The following CLSTN3 variants were observed in gnomAD, a reference collection of about 807,000 sequenced individuals.
CLSTN3 encodes the protein calsyntenin-3.
A neutral mutation model predicts 95.9 loss-of-function variants in CLSTN3; 36 were observed. The observed-to-expected ratio is 0.38, with a 90% confidence interval of 0.29 to 0.50. The LOEUF (loss-of-function observed/expected upper bound fraction) is 0.50, where lower values mean the gene tolerates loss of function less well. Ranked by LOEUF, CLSTN3 falls within the 20% of genes least tolerant of loss-of-function variation. CLSTN3 has a pLI of 0.95. For missense variants in CLSTN3, 1,084 were observed against 1,268.8 expected (o/e 0.85, Z 2.21); for synonymous variants, 481 against 504.0 (o/e 0.95, Z 0.61).
chr12:7,137,140 G>C lies in CLSTN3; in HGVS notation c.1210+30G>C. 6.4e-7 allele frequency: 1 copy of C among 1,570,456 alleles called. No homozygotes were observed. Among genetic ancestry groups the C allele is most frequent in the Non-Finnish European group, 8.6e-7 (1 of 1,157,808 alleles). ...GCCTCCCCTCCAGGCACTAGCCAGAGGGGGAAACTGGCTTCTTGTCCCGCC... is the reference window on the plus strand; with the variant it reads ...GCCTCCCCTCCAGGCACTAGCCAGACGGGGAAACTGGCTTCTTGTCCCGCC... On this transcript the variant is annotated intron_variant, in intron 7 of 17. Transcript: ENST00000266546. This position sits in a 1 kb window ranked among gnomAD's most constrained non-coding sequence, Gnocchi z 4.4.
In CLSTN3 at chr12:7,135,352, G is replaced by A. The variant is rs781061270; in HGVS notation, c.409G>A (p.Asp137Asn). Residue 137 changes from aspartate (D) to asparagine (N), a missense_variant, in exon 4 of 18, where the codon GAT becomes AAT. Physicochemically the swap from Asp to Asn is conservative, Grantham distance 23. Transcript: ENST00000266546. ...GGCCACTGTGCATGTGCGGGTCAACGATGTGAACGAGTTTGCCCCAGTGTT... is the reference window on the plus strand; with the variant it reads ...GGCCACTGTGCATGTGCGGGTCAACAATGTGAACGAGTTTGCCCCAGTGTT... Reference protein sequence around the residue: ...HKATVHVRVNDVNEFAPVFVE... With the variant: ...HKATVHVRVNNVNEFAPVFVE... The A allele has an allele frequency of 1.2e-6, 2 of 1,614,108 alleles. No homozygotes were observed. Among genetic ancestry groups the A allele is most frequent in the Non-Finnish European group, 1.7e-6 (2 of 1,180,006 alleles).
At chr12:7,135,290 A>C (rs6488452) in intron 3 of CLSTN3, 37 bp from the exon 4 acceptor site, 1,252,128 of 1,597,280 alleles carry the variant, frequency 0.78, 496,778 homozygotes, top group Middle Eastern at 0.83. Flanking sequence ...AGGCTGGCTG[A>C]CGTGTCTTCA....
Position 7,141,366 on chromosome 12 carries a change from G to A in CLSTN3, c.1448G>A (p.Arg483Gln), listed in dbSNP as rs758035032. The change falls in exon 9 of 18, where the codon CGA becomes CAA. Residue 483 changes from arginine to glutamine, a missense_variant. Coordinates refer to ENST00000266546, the MANE Select transcript of CLSTN3 (RefSeq NM_014718.4). This position sits in a 1 kb window ranked among gnomAD's most constrained non-coding sequence, Gnocchi z 4.1. ...GACAATGGCCTCATCCACCCACCCC[G>A]AAGGGAGCCTGCTCTCATGATTGGG... ...IHDNGLIHPP[R>Q]REPALMIGAC... The A allele has an allele frequency of 1.1e-5, 17 of 1,613,982 alleles. No individual in the cohort carries two copies. The highest frequency in any genetic ancestry group is 2.7e-5 in the African/African-American group (2 of 74,912).
intron 8 of CLSTN3, 76 bp downstream of exon 8, chr12:7,138,143 G>T (rs938135795): frequency 8.8e-7 from 1 of 1,141,786 alleles, no homozygotes. Context: ...CTCTGGGCAG[G>T]GTCAGCATTT....
rs1365604415 is a variant in CLSTN3, at chr12:7,158,368, T to G, written c.*287T>G. 4.1e-5 allele frequency: 11 copies of G among 268,740 alleles called. No homozygotes were observed. The highest frequency in any genetic ancestry group is 6.5e-5 in the South Asian group (1 of 15,284). 16.6% of individuals were successfully genotyped at this position (268,740 alleles called of 1,614,324 possible). On this transcript the variant is annotated 3_prime_UTR_variant, in exon 18 of 18. Coordinates refer to ENST00000266546, the MANE Select transcript of CLSTN3 (RefSeq NM_014718.4). ...ACTTCAGCTGCCTTTCTACCCCCAA[T>G]GGCAGCTGCCCCCTTAGCACTCACT...
intron 16 of CLSTN3, among the ~76,000 whole-genome samples, chr12:7,151,540 G>T (rs1939724052): frequency 6.6e-6 from 1 of 152,152 alleles, no homozygotes; most frequent in Non-Finnish European, 1.5e-5. Context: ...AAAATTATGT[G>T]CTACGTATGC....
chr12:7,141,825 C>G lies in CLSTN3; in HGVS notation c.1487-261C>G, dbSNP rs1272724031. 6.6e-6 allele frequency among the ~76,000 whole-genome samples: 1 copy of G among 152,188 alleles called. No individual in the cohort carries two copies. The highest frequency in any genetic ancestry group is 1.9e-4 in the East Asian group (1 of 5,202). On this transcript the variant is annotated intron_variant, in intron 9 of 17. Transcript: ENST00000266546. The surrounding 1 kb of genome is among the most constrained non-coding windows in gnomAD (Gnocchi z 4.1). ...TGTGTGTGCACATGTGCCTGTCTGT[C>G]TTACCAGAGCCCACGTGTTTCCTCA...
chr12:7,129,659 A>G, upstream of CLSTN3: 1 of 985,378 alleles, frequency 1.0e-6, no homozygotes, highest in Non-Finnish European at 1.2e-6. The surrounding 1 kb of genome is among the most constrained non-coding windows in gnomAD (Gnocchi z 5.5). Context: ...GGTGGGGTGG[A>G]GGCGCCTAAA....
chr12:7,150,803 T>C lies in CLSTN3; in HGVS notation c.2391+114T>C. On this transcript the variant is annotated intron_variant, in intron 15 of 17. Coordinates refer to ENST00000266546, the MANE Select transcript of CLSTN3 (RefSeq NM_014718.4). This position sits in a 1 kb window ranked among gnomAD's most constrained non-coding sequence, Gnocchi z 4.0. ...TGGACATGGCAGCGTGGAGGGCTGCTGGACCTTGCAGTGGGTGGAGGAGAA... is the reference window on the plus strand; with the variant it reads ...TGGACATGGCAGCGTGGAGGGCTGCCGGACCTTGCAGTGGGTGGAGGAGAA... 1 of 1,553,342 alleles carries C rather than the reference T, an allele frequency of 6.4e-7. No homozygotes were observed. Among genetic ancestry groups the C allele is most frequent in the South Asian group, 1.2e-5 (1 of 82,560 alleles).
chr12:7,139,072 C>A (rs1939481949), intron 8 of CLSTN3, among the ~76,000 whole-genome samples: 1 of 152,168 alleles, frequency 6.6e-6, no homozygotes. Flanking sequence ...CTATTAAATA[C>A]AACTAAGTCT....
In CLSTN3 at chr12:7,151,449, G is replaced by T. The variant is rs12300810; in HGVS notation, c.2527+386G>T. Among the ~76,000 whole-genome samples, 1,462 of 152,300 alleles carry T rather than the reference G, an allele frequency of 9.6e-3. 18 individuals carry two copies. The highest frequency in any genetic ancestry group is 0.034 in the African/African-American group (1,414 of 41,546). On this transcript the variant is annotated intron_variant, in intron 16 of 17. Transcript: ENST00000266546. ...TTTACTAAGCACCTACTATGTACTAGCACTGTCCTAAGATGATCTAAATGA... is the reference window on the plus strand; with the variant it reads ...TTTACTAAGCACCTACTATGTACTATCACTGTCCTAAGATGATCTAAATGA...
chr12:7,153,245 C>T (rs1162911449), intron 16 of CLSTN3, among the ~76,000 whole-genome samples: 2 of 152,186 alleles, frequency 1.3e-5, no homozygotes, highest in African/African-American at 2.4e-5. Context: ...CCTCGAACTC[C>T]TGAGCTCAAG....
rs1428713533 is a variant in CLSTN3 at position 7,150,609 on chromosome 12, G to C, written c.2311G>C (p.Ala771Pro). The C allele has an allele frequency of 6.2e-7, 1 of 1,613,898 alleles. No homozygotes were observed. Among genetic ancestry groups the C allele is most frequent in the Non-Finnish European group, 8.5e-7 (1 of 1,180,006 alleles). ...GGCTCGTTATCGGCTGCGACACGGA[G>C]CTGCCCTCTACACCAGGAAGTTCCG... is the stretch of plus-strand genomic sequence containing the variant. ...RQARYRLRHG[A>P]ALYTRKFRLS... The change falls in exon 15 of 18, where the codon GCT becomes CCT. Residue 771 changes from alanine to proline, a missense_variant. Coordinates refer to ENST00000266546, the MANE Select transcript of CLSTN3 (RefSeq NM_014718.4). This position sits in a 1 kb window ranked among gnomAD's most constrained non-coding sequence, Gnocchi z 4.0.
Position 7,133,068 on chromosome 12 carries a change from G to C in CLSTN3, c.109G>C (p.Val37Leu). The change falls in exon 2 of 18, where the codon GTC (valine) becomes CTC (leucine). Residue 37 changes from valine to leucine, a missense_variant. Coordinates refer to ENST00000266546, the MANE Select transcript of CLSTN3 (RefSeq NM_014718.4). This position sits in a 1 kb window ranked among gnomAD's most constrained non-coding sequence, Gnocchi z 4.7. The stretch of plus-strand genomic sequence containing the variant: ...GATTGAGGCAGAGTACCAGGGCATC[G>C]TCATGGAGAATGACAACACGGTCCT... ...PWIEAEYQGI[V>L]MENDNTVLLN... is the part of the protein sequence containing the mutation. 6.2e-7 allele frequency: 1 copy of C among 1,613,966 alleles called. No individual in the cohort carries two copies. The highest frequency in any genetic ancestry group is 1.3e-5 in the African/African-American group (1 of 75,018).
intron 16 of CLSTN3, among the ~76,000 whole-genome samples, chr12:7,154,643 A>G (rs1939785587): frequency 6.6e-6 from 1 of 152,160 alleles, no homozygotes; most frequent in Non-Finnish European, 1.5e-5. Context: ...CGGCACCTAA[A>G]TTATACCCTA....
chr12:7,157,363 G>C lies in CLSTN3; in HGVS notation c.2528-126G>C. On this transcript the variant is annotated intron_variant, in intron 16 of 17. Transcript: ENST00000266546. This position sits in a 1 kb window ranked among gnomAD's most constrained non-coding sequence, Gnocchi z 5.9. ...CTTCTCCAGGTGTTCCTCTCTTCTC[G>C]GCCACCGTGTGTTCTGCCCTGGGAG... The C allele has an allele frequency of 1.3e-6, 1 of 760,910 alleles. No homozygotes were observed. Among genetic ancestry groups the C allele is most frequent in the East Asian group, 2.8e-5 (1 of 36,184 alleles). 47.1% of individuals were successfully genotyped at this position (760,910 alleles called of 1,614,324 possible).
In CLSTN3 at chr12:7,150,388, C is replaced by A. The variant is rs1359757249; in HGVS notation, c.2246-156C>A. ...CAGAGTGGGCAGGGATGGAGGGGAGCATCCCTCCCTTCGACCTCAGGTCGC... is the reference window on the plus strand; with the variant it reads ...CAGAGTGGGCAGGGATGGAGGGGAGAATCCCTCCCTTCGACCTCAGGTCGC... On this transcript the variant is annotated intron_variant, in intron 14 of 17. Coordinates refer to ENST00000266546, the MANE Select transcript of CLSTN3 (RefSeq NM_014718.4). This position sits in a 1 kb window ranked among gnomAD's most constrained non-coding sequence, Gnocchi z 4.0. 1.3e-5 allele frequency: 10 copies of A among 743,704 alleles called. No homozygotes were observed. The highest frequency in any genetic ancestry group is 2.1e-5 in the Non-Finnish European group (10 of 473,796). The allele number at this position is 743,704 out of a possible 1,614,324, so 46.1% of individuals were successfully genotyped here.
intron 5 of CLSTN3, 35 bp from the exon 6 acceptor site, chr12:7,136,171 C>G (rs1195469056): frequency 3.8e-6 from 6 of 1,599,972 alleles, no homozygotes; most frequent in Non-Finnish European, 5.1e-6. Flanking sequence ...TTACCCTTCT[C>G]TCTCCCCATC....
At chr12:7,156,621 C>T (rs1423857575) in intron 16 of CLSTN3, 1 of 456,540 alleles carries the variant, frequency 2.2e-6, no homozygotes, top group African/African-American at 2.0e-5. Flanking sequence ...GGCGTGGCAA[C>T]CTTTGTGCAG....
Sources: gnomAD v4.1 joint callset for allele counts (sites outside exome capture counted in the v4.1 genomes callset) on GRCh38, gnomAD v4.1.1 for gene constraint, Gnocchi (gnomAD v3.1) non-coding constraint, MANE v1.5 for transcripts, NCBI Gene and HGNC (gene_info 2026-07-23, HGNC 2026-07-21) for gene names.